The following RIOK3 variants were observed in gnomAD, a reference collection of about 807,000 sequenced individuals.
RIOK3 encodes RIO kinase 3, also known as serine/threonine-protein kinase RIO3.
A neutral mutation model predicts 63.5 loss-of-function variants in RIOK3; 40 were observed. That is an observed-to-expected ratio of 0.63 (90% CI 0.49 to 0.82). RIOK3 has a LOEUF of 0.82. Ranked by LOEUF, RIOK3 falls within the 40% of genes least tolerant of loss-of-function variation. The pLI is 0.00. For missense variants in RIOK3, 557 were observed against 637.0 expected (o/e 0.87, Z 1.35); for synonymous variants, 193 against 205.0 (o/e 0.94, Z 0.50).
At position 23,480,843 on chromosome 18, in the gene RIOK3, C is replaced by CT. The variant is rs371826906; in HGVS notation, c.1453-328dup. Among the ~76,000 whole-genome samples, 862 of 152,172 alleles carry CT rather than the reference C, an allele frequency of 5.7e-3. 11 individuals are homozygous for CT. Among genetic ancestry groups the CT allele is most frequent in the African/African-American group, 0.02 (812 of 41,518 alleles). ...GGCTCACGCCTGTAATCCTAGCACTCTGAGAGGCCAAGGCGGGTGGAACAC... is the reference window on the plus strand; with the variant it reads ...GGCTCACGCCTGTAATCCTAGCACTCTTGAGAGGCCAAGGCGGGTGGAACAC... On this transcript the variant is annotated intron_variant, in intron 12 of 12. Transcript: ENST00000339486.
intron 9 of RIOK3, among the ~76,000 whole-genome samples, chr18:23,475,462 C>CAAAAAAAAAAAAA (rs60717269): frequency 1.0e-5 from 1 of 99,316 alleles, no homozygotes. Context: ...GACTCTGTCT[C>CAAAAAAAAAAAAA]AAAAAAAAAA....
intron 5 of RIOK3, among the ~76,000 whole-genome samples, chr18:23,465,569 G>A (rs1466492747): frequency 6.6e-6 from 1 of 152,192 alleles, no homozygotes; most frequent in Non-Finnish European, 1.5e-5. Flanking sequence ...GAAATGTTCT[G>A]TATGTGTGCT....
In RIOK3 at chr18:23,473,498, C is replaced by T. The variant is rs1215847186; in HGVS notation, c.885C>T (p.Thr295=). Residue 295 remains threonine, a synonymous_variant, in exon 8 of 13, where the codon ACC becomes ACT. Coordinates refer to ENST00000339486, the MANE Select transcript of RIOK3 (RefSeq NM_003831.5). ...TECAIKVFKT[T]LNEFKNRDKY... The stretch of plus-strand genomic sequence containing the variant: ...GTGCCATCAAGGTATTTAAAACAAC[C>T]CTTAATGAATTTAAGAATCGTGACA... The T allele has an allele frequency of 1.2e-6, 2 of 1,611,662 alleles. No individual in the cohort carries two copies. The highest frequency in any genetic ancestry group is 1.3e-5 in the African/African-American group (1 of 74,918).
intron 5 of RIOK3, among the ~76,000 whole-genome samples, chr18:23,464,840 T>C (rs1180407917): frequency 1.3e-5 from 2 of 152,218 alleles, no homozygotes; most frequent in African/African-American, 2.4e-5. Flanking sequence ...GTTGAAAAAC[T>C]ATTTTGACTC....
chr18:23,481,318 T>G lies in RIOK3; in HGVS notation c.*39T>G. Reference sequence around the variant, plus strand: ...TGCTTCAGTGTTAACACAGCAGTGATTGTCAGCTGCCAATAGCAAATGAAG... The same window carrying G: ...TGCTTCAGTGTTAACACAGCAGTGAGTGTCAGCTGCCAATAGCAAATGAAG... On this transcript the variant is annotated 3_prime_UTR_variant, in exon 13 of 13. Coordinates refer to ENST00000339486, the MANE Select transcript of RIOK3 (RefSeq NM_003831.5). 1 of 1,258,112 alleles carries G rather than the reference T, an allele frequency of 7.9e-7. No individual in the cohort carries two copies. Among genetic ancestry groups the G allele is most frequent in the Non-Finnish European group, 1.1e-6 (1 of 898,500 alleles). 77.9% of individuals were successfully genotyped at this position (1,258,112 alleles called of 1,614,324 possible). A position where few individuals can be genotyped will look rare whatever the true frequency, so the allele number is the denominator to read the frequency against.
intron 11 of RIOK3, among the ~76,000 whole-genome samples, chr18:23,478,626 TATATATATATA>T (rs1347504480): frequency 2.1e-4 from 1 of 4,856 alleles, no homozygotes; most frequent in African/African-American, 3.1e-4. Flanking sequence ...TATATATATA[TATATATATATA>T]TATATATATA....
chr18:23,475,461 T>TAAAAAAAA (rs2057483506), intron 9 of RIOK3, among the ~76,000 whole-genome samples: 4 of 65,054 alleles, frequency 6.1e-5, no homozygotes, highest in Admixed American at 2.4e-4. Flanking sequence ...AGACTCTGTC[T>TAAAAAAAA]CAAAAAAAAA....
chr18:23,473,757 CT>C, intron 8 of RIOK3, 131 bp downstream of exon 8: 1 of 650,902 alleles, frequency 1.5e-6, no homozygotes, highest in Non-Finnish European at 2.5e-6. Flanking sequence ...TCGATTCATA[CT>C]TTTAGGATGA....
rs1396061560 is a variant in RIOK3 at position 23,477,059 on chromosome 18, G to A, written c.1227G>A (p.Glu409=). 1 of 1,613,960 alleles carries A rather than the reference G, an allele frequency of 6.2e-7. No homozygotes were observed. The highest frequency in any genetic ancestry group is 8.5e-7 in the Non-Finnish European group (1 of 1,179,952). The change falls in exon 10 of 13, where the codon GAG becomes GAA. Residue 409 remains glutamate (E), a synonymous_variant. Coordinates refer to ENST00000339486, the MANE Select transcript of RIOK3 (RefSeq NM_003831.5). ...CGCTTGTCCATGCTGACCTCAGTGA[G>A]TATAACATGCTGTGGCATGCTGGAA... The part of the protein sequence containing the change: ...ECTLVHADLS[E]YNMLWHAGKV...
rs28612395 is a variant in RIOK3, at chr18:23,471,808, T to C, written c.816-1621T>C. On this transcript the variant is annotated intron_variant, in intron 7 of 12. Transcript: ENST00000339486. ...GGTGAGAGCCTGGGGAAGGGTAGGG[T>C]GAGGACTCAGCATGAGTTTTGTTTT... Among the ~76,000 whole-genome samples the C allele has an allele frequency of 6.7e-3, 1,013 of 152,008 alleles. 9 individuals carry two copies. Among genetic ancestry groups the C allele is most frequent in the African/African-American group, 0.023 (968 of 41,446 alleles).
chr18:23,453,953 T>C (rs1291842398), intron 1 of RIOK3, among the ~76,000 whole-genome samples: 3 of 152,210 alleles, frequency 2.0e-5, no homozygotes. Context: ...GTCTTGTTTT[T>C]GAAGCAGTAA....
chr18:23,472,603 C>G (rs911213489), intron 7 of RIOK3, among the ~76,000 whole-genome samples: 1 of 152,200 alleles, frequency 6.6e-6, no homozygotes, highest in Non-Finnish European at 1.5e-5. Flanking sequence ...CACCTCTAGC[C>G]TGTCCCTGTG....
At position 23,478,606 on chromosome 18, in the gene RIOK3, CATATATATATAT is replaced by C. The variant is rs67305895; in HGVS notation, c.1345-670_1345-659del. Among the ~76,000 whole-genome samples the C allele has an allele frequency of 3.3e-3, 436 of 130,788 alleles. 1 individual carries two copies. Among genetic ancestry groups the C allele is most frequent in the African/African-American group, 4.1e-3 (127 of 31,212 alleles). 85.8% of individuals were successfully genotyped at this position (130,788 alleles called of 152,430 possible). Reference sequence around the variant, plus strand: ...GGCCCTGTCTCTTAAAAAAACAAAACATATATATATATATATATATATATATATATATATATA... The same window carrying C: ...GGCCCTGTCTCTTAAAAAAACAAAACATATATATATATATATATATATATA... On this transcript the variant is annotated intron_variant, in intron 11 of 12. Coordinates refer to ENST00000339486, the MANE Select transcript of RIOK3 (RefSeq NM_003831.5).
chr18:23,471,326 G>A (rs2057455045), intron 7 of RIOK3, among the ~76,000 whole-genome samples: 1 of 152,190 alleles, frequency 6.6e-6, no homozygotes, highest in South Asian at 2.1e-4. Flanking sequence ...AACAGCTAGT[G>A]CTAATGCCTT....
chr18:23,464,469 A>G (rs1302716195), intron 4 of RIOK3, 50 bp from the exon 5 acceptor site: 2 of 1,299,868 alleles, frequency 1.5e-6, no homozygotes. Context: ...GAATGCAGCA[A>G]TGTAGTCTTT....
chr18:23,469,304 C>CCTCTCTCTCTCTCTCTCT lies in RIOK3; in HGVS notation c.815+1794_815+1811dup, dbSNP rs376929343. 2.4e-3 allele frequency among the ~76,000 whole-genome samples: 46 copies of CCTCTCTCTCTCTCTCTCT among 19,406 alleles called. 15 individuals are homozygous for CCTCTCTCTCTCTCTCTCT. The highest frequency in any genetic ancestry group is 4.1e-3 in the Non-Finnish European group (40 of 9,870). 12.7% of individuals were successfully genotyped at this position (19,406 alleles called of 152,430 possible). On this transcript the variant is annotated intron_variant, in intron 7 of 12. Transcript: ENST00000339486. ...CAAAGCTCTGGTTCCTTTCTTTCTT[C>CCTCTCTCTCTCTCTCTCT]CTCTCTCTCTCTCTCTCTCTCTCTC...
intron 11 of RIOK3, among the ~76,000 whole-genome samples, chr18:23,477,593 A>T (rs751256946): frequency 9.2e-5 from 13 of 141,894 alleles, no homozygotes; most frequent in Non-Finnish European, 1.5e-5. Context: ...GTGAAACCCC[A>T]TCTCTACTAA....
chr18:23,476,099 A>G (rs138602028), intron 9 of RIOK3, among the ~76,000 whole-genome samples: 1,802 of 152,096 alleles, frequency 0.012, 24 homozygotes, highest in Non-Finnish European at 0.021. Context: ...TGAATGTTAC[A>G]GCTTTAACAG....
rs2057316963 is a variant in RIOK3 at position 23,453,487 on chromosome 18, C to CTGGG, written c.49_52dup (p.Gly18ValfsTer21). The CTGGG allele has an allele frequency of 6.2e-7, 1 of 1,613,512 alleles. No homozygotes were observed. The highest frequency in any genetic ancestry group is 1.1e-5 in the South Asian group (1 of 91,082). On this transcript the variant is annotated frameshift_variant, in exon 1 of 13. Transcript: ENST00000339486. LOFTEE classifies it high-confidence loss of function. Reference sequence around the variant, plus strand: ...CGCCTGAGCCCGGGACGGCAGCGGCCTGGGGACCCAGCAAGGTAAGTGGCA... The same window carrying CTGGG: ...CGCCTGAGCCCGGGACGGCAGCGGCCTGGGTGGGGACCCAGCAAGGTAAGTGGCA...
Sources: gnomAD v4.1 joint callset for allele counts (sites outside exome capture counted in the v4.1 genomes callset) on GRCh38, gnomAD v4.1.1 for gene constraint, MANE v1.5 for transcripts, NCBI Gene and HGNC (gene_info 2026-07-23, HGNC 2026-07-21) for gene names.